Variants in GRID2 observed in about 807,000 individuals in gnomAD.
GRID2 encodes glutamate receptor ionotropic, delta-2.
In GRID2, 33 loss-of-function variants were observed where a neutral mutation model predicts 114.8. That is an observed-to-expected ratio of 0.29 (90% CI 0.22 to 0.38). The LOEUF (loss-of-function observed/expected upper bound fraction) is 0.38, where lower values mean the gene tolerates loss of function less well. Among genes scored for constraint, GRID2 ranks in the 10% least tolerant of loss-of-function variants. The pLI, the probability that GRID2 is intolerant of heterozygous loss-of-function variation, is 1.00. For synonymous variants in GRID2, 505 were observed against 449.9 expected, an observed-to-expected ratio of 1.12 and a Z score of -1.55; for missense variants, 1,184 against 1,257.7, an observed-to-expected ratio of 0.94 and a Z score of 0.89.
At chr4:93,095,490 A>C (rs922947775) in intron 3 of GRID2, among the ~76,000 whole-genome samples, 1 of 152,114 alleles carries the variant, frequency 6.6e-6, no homozygotes, top group Admixed American at 6.6e-5. Flanking sequence ...ATAAAACACA[A>C]AGAATTTGAA....
intron 11 of GRID2, among the ~76,000 whole-genome samples, chr4:93,469,225 T>C (rs558200891): frequency 6.6e-6 from 1 of 152,254 alleles, no homozygotes; most frequent in Non-Finnish European, 1.5e-5. Flanking sequence ...TATTTTTTTC[T>C]TCTCAATCAA....
chr4:92,990,259 A>C (rs1024787742), intron 2 of GRID2, among the ~76,000 whole-genome samples: 1 of 144,660 alleles, frequency 6.9e-6, no homozygotes, highest in African/African-American at 2.6e-5. Flanking sequence ...TGATATATGT[A>C]TATATATATG....
At chr4:93,011,101 A>T (rs568756578) in intron 2 of GRID2, among the ~76,000 whole-genome samples, 1 of 151,488 alleles carries the variant, frequency 6.6e-6, no homozygotes, top group South Asian at 2.1e-4. Flanking sequence ...GTAATTTTTT[A>T]AAAATATATT....
chr4:93,723,667 T>C lies in GRID2; in HGVS notation c.2361-45543T>C, dbSNP rs142534546. The stretch of plus-strand genomic sequence containing the variant: ...TCCCCCAGGGGATATAAAGATACCA[T>C]CAATATGTATAATTTGAGTAAATTC... On this transcript the variant is annotated intron_variant, in intron 14 of 15. Transcript: ENST00000282020. Among the ~76,000 whole-genome samples the C allele has an allele frequency of 3.4e-3, 512 of 152,352 alleles. 5 individuals are homozygous for C. Among genetic ancestry groups the C allele is most frequent in the African/African-American group, 0.011 (465 of 41,584 alleles).
chr4:92,584,970 A>C (rs79842412), intron 1 of GRID2, among the ~76,000 whole-genome samples: 2,345 of 152,210 alleles, frequency 0.015, 52 homozygotes, highest in African/African-American at 0.053. Context: ...CTATGAGTTT[A>C]CAAAAACAAC....
intron 1 of GRID2, among the ~76,000 whole-genome samples, chr4:92,339,548 A>AC (rs1259284544): frequency 2.1e-5 from 3 of 142,686 alleles, no homozygotes; most frequent in Non-Finnish European, 4.5e-5. Context: ...TAGTAACCCT[A>AC]TAAATGGAGA....
intron 2 of GRID2, among the ~76,000 whole-genome samples, chr4:92,765,324 T>C (rs1203218668): frequency 6.6e-6 from 1 of 152,212 alleles, no homozygotes; most frequent in Non-Finnish European, 1.5e-5. Context: ...AGCAAATTAC[T>C]TGGACAAATC....
At chr4:92,783,265 C>T (rs1739169624) in intron 2 of GRID2, among the ~76,000 whole-genome samples, 1 of 151,920 alleles carries the variant, frequency 6.6e-6, no homozygotes, top group African/African-American at 2.4e-5. Context: ...TTAGGGTTGG[C>T]TTAGAAAGTA....
chr4:93,414,592 T>C (rs1200079085), intron 9 of GRID2, among the ~76,000 whole-genome samples: 1 of 152,010 alleles, frequency 6.6e-6, no homozygotes, highest in Non-Finnish European at 1.5e-5. Flanking sequence ...AGAGGTGCTT[T>C]CTAATTGAAG....
intron 2 of GRID2, among the ~76,000 whole-genome samples, chr4:93,021,237 T>G (rs1560802121): frequency 6.6e-6 from 1 of 151,714 alleles, no homozygotes; most frequent in Non-Finnish European, 1.5e-5. Flanking sequence ...AGAATGCATC[T>G]TATATACTCT....
intron 14 of GRID2, among the ~76,000 whole-genome samples, chr4:93,672,794 T>C (rs180714535): frequency 2.6e-5 from 4 of 152,346 alleles, no homozygotes; most frequent in Admixed American, 2.6e-4. Flanking sequence ...AGGACAGTGT[T>C]GCCTGATGGG....
chr4:93,728,011 T>G (rs1730103101), intron 14 of GRID2, among the ~76,000 whole-genome samples: 1 of 152,224 alleles, frequency 6.6e-6, no homozygotes, highest in South Asian at 2.1e-4. Flanking sequence ...TCTTAGTTAT[T>G]TCTTGCCTTC....
At chr4:92,884,712 T>G (rs918812842) in intron 2 of GRID2, 32 of 217,256 alleles carry the variant, frequency 1.5e-4, no homozygotes, top group Admixed American at 5.7e-5. Context: ...AAGTTAACTC[T>G]AGCTACCTGA....
chr4:93,431,893 T>C (rs184081535), intron 10 of GRID2, among the ~76,000 whole-genome samples: 19 of 152,314 alleles, frequency 1.2e-4, no homozygotes, highest in Non-Finnish European at 2.8e-4. Context: ...TGAAAATTGA[T>C]TTTAATGAGG....
At position 92,580,328 on chromosome 4, in the gene GRID2, TAAAG is replaced by T. The variant is rs559773376; in HGVS notation, c.89-9800_89-9797del. ...GCTAGTTAAATGTACATTCATGTAATAAAGAAGAAGAAAAAAATTACAAATGAGT... is the reference window on the plus strand; with the variant it reads ...GCTAGTTAAATGTACATTCATGTAATAAGAAGAAAAAAATTACAAATGAGT... On this transcript the variant is annotated intron_variant, in intron 1 of 15. Coordinates refer to ENST00000282020, the MANE Select transcript of GRID2 (RefSeq NM_001510.4). 1.5e-3 allele frequency among the ~76,000 whole-genome samples: 208 copies of T among 138,678 alleles called. 1 individual carries two copies. Among genetic ancestry groups the T allele is most frequent in the South Asian group, 4.5e-3 (19 of 4,246 alleles). The allele number at this position is 138,678 out of a possible 152,430, so 91.0% of individuals were successfully genotyped here.
intron 1 of GRID2, among the ~76,000 whole-genome samples, chr4:92,332,902 T>C (rs1462255437): frequency 6.6e-6 from 1 of 152,216 alleles, no homozygotes; most frequent in African/African-American, 2.4e-5. Context: ...CAGGCAGTCC[T>C]GTTTCTATTG....
intron 1 of GRID2, among the ~76,000 whole-genome samples, chr4:92,382,021 T>A (rs116790106): frequency 3.4e-4 from 52 of 152,118 alleles, no homozygotes; most frequent in Non-Finnish European, 6.9e-4. Context: ...GATTTCTGGC[T>A]CTGTGTAATT....
At chr4:92,610,775 T>G (rs1174961403) in intron 2 of GRID2, among the ~76,000 whole-genome samples, 1 of 151,692 alleles carries the variant, frequency 6.6e-6, no homozygotes, top group Non-Finnish European at 1.5e-5. Context: ...TTCTATAGAT[T>G]AGCCTCTTCT....
intron 2 of GRID2, among the ~76,000 whole-genome samples, chr4:92,689,014 C>A (rs1004215573): frequency 6.6e-6 from 1 of 152,226 alleles, no homozygotes; most frequent in African/African-American, 2.4e-5. Flanking sequence ...AAATCTTGTA[C>A]GTCTCTATAA....
Sources: allele counts gnomAD v4.1 joint callset (sites outside exome capture counted in the v4.1 genomes callset), GRCh38; gene constraint gnomAD v4.1.1; transcripts MANE v1.5; gene names NCBI Gene and HGNC (gene_info 2026-07-23, HGNC 2026-07-21).